Variants in SDK1 observed in about 807,000 individuals in gnomAD.
SDK1 encodes protein sidekick-1.
Under a neutral mutation model 245.5 loss-of-function variants are expected in SDK1, and 157 were observed. The ratio of observed to expected loss-of-function variants is 0.64; its 90% CI spans 0.56 to 0.73. SDK1 has a LOEUF of 0.73. Ranked by LOEUF, SDK1 falls within the 30% of genes least tolerant of loss-of-function variation. The pLI is 0.00. For synonymous variants in SDK1, 1,647 were observed against 1,278.5 expected (o/e 1.29, Z -6.15); for missense variants, 3,583 against 3,002.3 (o/e 1.19, Z -4.52).
At chr7:4,106,460 C>G (rs1045967421) in intron 22 of SDK1, among the ~76,000 whole-genome samples, 3 of 152,146 alleles carry the variant, frequency 2.0e-5, no homozygotes, top group African/African-American at 7.2e-5. Flanking sequence ...CCCACCACCA[C>G]GCCTTTTTTG....
At chr7:4,108,788 A>G (rs1027263299) in intron 22 of SDK1, among the ~76,000 whole-genome samples, 2 of 152,132 alleles carry the variant, frequency 1.3e-5, no homozygotes, top group Non-Finnish European at 1.5e-5. Context: ...CATTTTTATC[A>G]TGCCACAAAG....
At chr7:3,730,724 CA>C (rs141842450) in intron 4 of SDK1, among the ~76,000 whole-genome samples, 3 of 152,194 alleles carry the variant, frequency 2.0e-5, no homozygotes, top group East Asian at 3.9e-4. Flanking sequence ...AGGAAACTAT[CA>C]AGAGTAAATG....
chr7:3,862,455 GT>G (rs748488835), intron 5 of SDK1, among the ~76,000 whole-genome samples: 99 of 152,270 alleles, frequency 6.5e-4, no homozygotes, highest in Non-Finnish European at 1.2e-3. Context: ...TTGGTAAAGG[GT>G]ATGTGTTAAT....
intron 4 of SDK1, among the ~76,000 whole-genome samples, chr7:3,707,545 C>G (rs2115014797): frequency 6.6e-6 from 1 of 152,298 alleles, no homozygotes; most frequent in South Asian, 2.1e-4. Context: ...GTAGAATGTT[C>G]TGTAAATATC....
At chr7:3,315,703 T>TA (rs1165655708) in intron 1 of SDK1, among the ~76,000 whole-genome samples, 5 of 152,220 alleles carry the variant, frequency 3.3e-5, no homozygotes, top group Admixed American at 6.5e-5. Context: ...TATAACTTTT[T>TA]AAAAATTATG....
chr7:3,782,939 G>C (rs2115014187), intron 4 of SDK1, among the ~76,000 whole-genome samples: 1 of 152,322 alleles, frequency 6.6e-6, no homozygotes, highest in East Asian at 1.9e-4. Flanking sequence ...TTAAAGGTCA[G>C]TGTTCTTGAT....
intron 6 of SDK1, among the ~76,000 whole-genome samples, 176 bp from the exon 7 acceptor site, chr7:3,951,554 G>T (rs1325919259): frequency 6.6e-6 from 1 of 152,204 alleles, no homozygotes; most frequent in Non-Finnish European, 1.5e-5. Context: ...CATCGTCAAT[G>T]CGTGCTGGGA....
chr7:3,624,307 C>A (rs1040731512), intron 2 of SDK1, among the ~76,000 whole-genome samples: 19 of 152,190 alleles, frequency 1.2e-4, no homozygotes, highest in African/African-American at 4.6e-4. Flanking sequence ...TCAAGCAGTC[C>A]TCCTGCCTCA....
chr7:4,091,920 A>G (rs1037067985), intron 22 of SDK1, among the ~76,000 whole-genome samples: 4 of 152,072 alleles, frequency 2.6e-5, no homozygotes, highest in Admixed American at 2.0e-4. Context: ...TCCACGTGCC[A>G]CCTTCCTGGC....
At chr7:4,215,305 A>G (rs1166538144) in intron 38 of SDK1, among the ~76,000 whole-genome samples, 1 of 152,154 alleles carries the variant, frequency 6.6e-6, no homozygotes, top group Non-Finnish European at 1.5e-5. Context: ...GCAGAGGCGG[A>G]GGGGCCTATC....
At chr7:4,231,830 G>C (rs1785790893) in intron 40 of SDK1, among the ~76,000 whole-genome samples, 1 of 152,120 alleles carries the variant, frequency 6.6e-6, no homozygotes. Context: ...ATCCATCTGA[G>C]TGTACCTGGT....
intron 2 of SDK1, among the ~76,000 whole-genome samples, chr7:3,624,062 G>A (rs565532926): frequency 2.3e-4 from 35 of 152,262 alleles, no homozygotes; most frequent in African/African-American, 6.5e-4. Flanking sequence ...TAGAACCCAC[G>A]TGGAAAGTGC....
chr7:3,984,584 A>G (rs1783674849), intron 13 of SDK1, among the ~76,000 whole-genome samples: 1 of 152,080 alleles, frequency 6.6e-6, no homozygotes, highest in Non-Finnish European at 1.5e-5. Flanking sequence ...ATCTTATAGC[A>G]TATGGTCACC....
intron 1 of SDK1, among the ~76,000 whole-genome samples, chr7:3,575,361 C>G (rs1013842538): frequency 2.0e-5 from 3 of 151,974 alleles, no homozygotes; most frequent in Non-Finnish European, 2.9e-5. Context: ...TCTTCTAACC[C>G]TTATTATAAT....
intron 1 of SDK1, among the ~76,000 whole-genome samples, chr7:3,418,378 A>G (rs1192913172): frequency 1.3e-5 from 2 of 152,166 alleles, no homozygotes; most frequent in African/African-American, 4.8e-5. Context: ...AGTGAACAGA[A>G]TGGAATATTC....
At chr7:3,308,408 G>T (rs1779471064) in intron 1 of SDK1, among the ~76,000 whole-genome samples, 1 of 151,990 alleles carries the variant, frequency 6.6e-6, no homozygotes, top group Non-Finnish European at 1.5e-5. Flanking sequence ...CTTCATTAGG[G>T]GCTTTTAGTA....
chr7:4,117,176 T>C (rs536485509), intron 25 of SDK1, among the ~76,000 whole-genome samples: 1 of 152,316 alleles, frequency 6.6e-6, no homozygotes, highest in African/African-American at 2.4e-5. Context: ...TTCTGGAATC[T>C]TAAATGTATT....
chr7:4,189,563 C>T (rs955486641), intron 35 of SDK1, among the ~76,000 whole-genome samples: 1 of 152,140 alleles, frequency 6.6e-6, no homozygotes, highest in Non-Finnish European at 1.5e-5. Context: ...TAAAATCACT[C>T]GGCCGGCCAG....
chr7:3,878,647 A>G (rs1451372207), intron 5 of SDK1, among the ~76,000 whole-genome samples: 1 of 152,250 alleles, frequency 6.6e-6, no homozygotes, highest in Non-Finnish European at 1.5e-5. Flanking sequence ...CATCTCATAT[A>G]ATCCTCTCTC....
Sources: gnomAD v4.1 joint callset for allele counts (sites outside exome capture counted in the v4.1 genomes callset) on GRCh38, gnomAD v4.1.1 for gene constraint, MANE v1.5 for transcripts, NCBI Gene and HGNC (gene_info 2026-07-23, HGNC 2026-07-21) for gene names.